DRC3: variants seen among roughly 807,000 people sequenced by gnomAD.
The protein encoded by DRC3 is dynein regulatory complex subunit 3.
A neutral mutation model predicts 57.6 loss-of-function variants in DRC3; 45 were observed. The ratio of observed to expected loss-of-function variants is 0.78; its 90% CI spans 0.62 to 1.00. The LOEUF is 1.00. Among genes scored for constraint, DRC3 ranks in the 50% least tolerant of loss-of-function variants. DRC3 has a pLI of 0.00. For synonymous variants in DRC3, 257 were observed against 272.3 expected, an observed-to-expected ratio of 0.94 and a Z score of 0.55; for missense variants, 655 against 675.2, an observed-to-expected ratio of 0.97 and a Z score of 0.33.
chr17:18,007,162 C>CGGAGCA lies in DRC3; in HGVS notation c.1326+15_1326+16insGGAGCA, dbSNP rs757608685. The CGGAGCA allele has an allele frequency of 1.9e-4, 207 of 1,111,716 alleles. 23 individuals are homozygous for CGGAGCA. Among genetic ancestry groups the CGGAGCA allele is most frequent in the Middle Eastern group, 9.0e-4 (3 of 3,316 alleles). The allele number at this position is 1,111,716 out of a possible 1,614,324, so 68.9% of individuals were successfully genotyped here. On this transcript the variant is annotated intron_variant, in intron 12 of 13. Coordinates refer to ENST00000399187, the MANE Select transcript of DRC3 (RefSeq NM_031294.4). ...ACCTGCGCGCGGTAGGCGGGGCGGG[C>CGGAGCA]TGCTCGGAGCCTGACAGATGTGGTC...
intron 1 of DRC3, among the ~76,000 whole-genome samples, chr17:17,973,412 C>A (rs1268523481): frequency 6.6e-6 from 1 of 152,152 alleles, no homozygotes; most frequent in Non-Finnish European, 1.5e-5. Flanking sequence ...CTGTATCCGT[C>A]TCTGTCAGTA....
intron 12 of DRC3, among the ~76,000 whole-genome samples, chr17:18,013,893 A>G (rs2044258438): frequency 6.6e-6 from 1 of 152,062 alleles, no homozygotes; most frequent in African/African-American, 2.4e-5. Context: ...TATGTACCCC[A>G]TCAATATGTA....
chr17:18,012,034 G>A (rs1309128591), intron 12 of DRC3, among the ~76,000 whole-genome samples: 4 of 152,088 alleles, frequency 2.6e-5, no homozygotes, highest in African/African-American at 9.7e-5. Context: ...AATGTTGGCC[G>A]GCCAGGCTGG....
intron 5 of DRC3, 53 bp downstream of exon 5, chr17:17,988,151 C>T (rs562397024): frequency 2.2e-5 from 34 of 1,565,724 alleles, no homozygotes; most frequent in Middle Eastern, 1.7e-4. Flanking sequence ...CTTGGAGCGC[C>T]GTGGGTTGAG....
intron 12 of DRC3, 199 bp downstream of exon 12, chr17:18,007,346 GC>G (rs1416197984): frequency 6.6e-7 from 1 of 1,526,338 alleles, no homozygotes; most frequent in Non-Finnish European, 8.9e-7. Flanking sequence ...ACCCAGTGGG[GC>G]CCAGTTAAAG....
At chr17:18,016,435 G>A in intron 13 of DRC3, 123 bp from the exon 14 acceptor site, 1 of 809,328 alleles carries the variant, frequency 1.2e-6, no homozygotes, top group Non-Finnish European at 2.0e-6. Context: ...CTGGGGAGGC[G>A]CTGAAGCAAA....
intron 12 of DRC3, among the ~76,000 whole-genome samples, chr17:18,009,783 G>A (rs1249355266): frequency 6.6e-6 from 1 of 152,212 alleles, no homozygotes; most frequent in Non-Finnish European, 1.5e-5. Context: ...AAGTCACCCT[G>A]ATGAGGTTAT....
At chr17:18,007,595 T>C in intron 12 of DRC3, 1 of 1,446,770 alleles carries the variant, frequency 6.9e-7, no homozygotes, top group South Asian at 1.4e-5. Context: ...GCACATCCAC[T>C]GATGAATGGT....
chr17:17,979,227 A>G (rs1326948786), intron 3 of DRC3, among the ~76,000 whole-genome samples: 1 of 152,196 alleles, frequency 6.6e-6, no homozygotes, highest in South Asian at 2.1e-4. Context: ...CTGCTGAGGA[A>G]GCCACTGTGG....
At chr17:17,982,511 G>C (rs897368642) in intron 3 of DRC3, among the ~76,000 whole-genome samples, 1 of 139,836 alleles carries the variant, frequency 7.2e-6, no homozygotes, top group African/African-American at 2.7e-5. Context: ...CACCACGCCT[G>C]GCCCACAGCA....
In DRC3 at chr17:17,987,964, G is replaced by A. The variant is rs2043040404; in HGVS notation, c.310G>A (p.Gly104Arg). 3.1e-6 allele frequency: 5 copies of A among 1,613,956 alleles called. No individual in the cohort carries two copies. The highest frequency in any genetic ancestry group is 4.2e-6 in the Non-Finnish European group (5 of 1,179,872). ...TTTCAACAACATTGAGACCATCGAG[G>A]GGCTGGACACACTGGTGAACCTGGA... ...LSFNNIETIE[G>R]LDTLVNLEDL... Residue 104 changes from glycine (G) to arginine (R), a missense_variant, in exon 5 of 14, where the codon GGG (glycine) becomes AGG (arginine). Coordinates refer to ENST00000399187, the MANE Select transcript of DRC3 (RefSeq NM_031294.4).
At chr17:18,014,658 G>C (rs2044290715) in intron 12 of DRC3, among the ~76,000 whole-genome samples, 1 of 152,204 alleles carries the variant, frequency 6.6e-6, no homozygotes, top group Admixed American at 6.5e-5. Context: ...TGAGGGGTAT[G>C]ATTTCTCTGC....
In DRC3 at chr17:17,988,104, T is replaced by C; in HGVS notation, c.444+6T>C. ...GGATTGACAACATGATGAACGTGAG[T>C]GGCCGCCCAGCCCGCCCTCACGCAC... is the stretch of plus-strand genomic sequence containing the variant. On this transcript the variant is annotated splice_donor_region_variant and intron_variant, in intron 5 of 13. Coordinates refer to ENST00000399187, the MANE Select transcript of DRC3 (RefSeq NM_031294.4). 1 of 1,612,402 alleles carries C rather than the reference T, an allele frequency of 6.2e-7. No homozygotes were observed. The highest frequency in any genetic ancestry group is 8.5e-7 in the Non-Finnish European group (1 of 1,179,360).
intron 12 of DRC3, chr17:18,011,265 G>A (rs1234849172): frequency 3.5e-6 from 1 of 286,642 alleles, no homozygotes; most frequent in Non-Finnish European, 6.6e-6. Context: ...CCTAGGATGA[G>A]GTTTTAAAGA....
chr17:18,006,927 C>G, intron 11 of DRC3, 97 bp from the exon 12 acceptor site: 2 of 1,537,642 alleles, frequency 1.3e-6, no homozygotes, highest in South Asian at 2.4e-5. Flanking sequence ...TTTCCGAGCT[C>G]GCCTTGGGCC....
chr17:17,989,316 G>A (rs572288947), intron 5 of DRC3, among the ~76,000 whole-genome samples: 4 of 152,262 alleles, frequency 2.6e-5, no homozygotes, highest in South Asian at 2.1e-4. Context: ...GGATGTGGCC[G>A]GGCCTCGCCA....
At position 17,974,643 on chromosome 17, in the gene DRC3, C is replaced by T. The variant is rs531203343; in HGVS notation, c.-18+681C>T. Among the ~76,000 whole-genome samples the T allele has an allele frequency of 5.9e-5, 9 of 152,288 alleles. 1 individual carries two copies. The South Asian group carries it at 1.9e-3, about 32-fold the overall frequency. ...TTGCATCACTTCAGCCAAAGTGCAA[C>T]AAGTCTGTTCTCTCCCACCTAAAGG... On this transcript the variant is annotated intron_variant, in intron 2 of 13. Coordinates refer to ENST00000399187, the MANE Select transcript of DRC3 (RefSeq NM_031294.4).
At chr17:18,016,018 G>C (rs1447916347) in intron 12 of DRC3, 46 bp from the exon 13 acceptor site, 1 of 1,602,548 alleles carries the variant, frequency 6.2e-7, no homozygotes, top group African/African-American at 1.3e-5. Context: ...TTGTGTTCAC[G>C]GTATAATGAC....
At chr17:17,987,899 C>G in intron 4 of DRC3, 33 bp from the exon 5 acceptor site, 3 of 1,607,996 alleles carry the variant, frequency 1.9e-6, no homozygotes, top group Non-Finnish European at 2.6e-6. Context: ...CTGACCCAGG[C>G]AGCAGACCCT....
Sources: allele counts gnomAD v4.1 joint callset (sites outside exome capture counted in the v4.1 genomes callset), GRCh38; gene constraint gnomAD v4.1.1; transcripts MANE v1.5; gene names NCBI Gene and HGNC (gene_info 2026-07-23, HGNC 2026-07-21).